Variants in RAPGEF2 observed in about 807,000 individuals in gnomAD.
RAPGEF2 encodes PDZ domain containing guanine nucleotide exchange factor (GEF) 1.
Under a neutral mutation model 186.7 loss-of-function variants are expected in RAPGEF2, and 54 were observed. The ratio of observed to expected loss-of-function variants is 0.29; its 90% confidence interval spans 0.23 to 0.36. The LOEUF is 0.36. Ranked by LOEUF, RAPGEF2 falls within the 10% of genes least tolerant of loss-of-function variation. The pLI is 1.00. For synonymous variants in RAPGEF2, 712 were observed against 705.9 expected, an observed-to-expected ratio of 1.01 and a Z score of -0.14; for missense variants, 1,532 against 2,045.0, an observed-to-expected ratio of 0.75 and a Z score of 4.84.
At chr4:159,213,753 A>G (rs865912435) in intron 4 of RAPGEF2, among the ~76,000 whole-genome samples, 3 of 152,092 alleles carry the variant, frequency 2.0e-5, no homozygotes, top group Admixed American at 2.0e-4. Context: ...GAACATGAGT[A>G]TTGTTCCTTG....
chr4:159,315,265 CT>C (rs942896562), intron 9 of RAPGEF2, among the ~76,000 whole-genome samples: 2 of 150,776 alleles, frequency 1.3e-5, no homozygotes, highest in African/African-American at 2.4e-5. Flanking sequence ...ATGGTTGAGA[CT>C]TTTTTTCTGT....
intron 1 of RAPGEF2, among the ~76,000 whole-genome samples, chr4:159,138,835 AG>A (rs1419329792): frequency 6.6e-6 from 1 of 152,218 alleles, no homozygotes; most frequent in Non-Finnish European, 1.5e-5. Flanking sequence ...TTACAGAGCA[AG>A]GATACCAATC....
chr4:159,167,573 C>T (rs764236739), intron 1 of RAPGEF2, among the ~76,000 whole-genome samples: 3 of 152,134 alleles, frequency 2.0e-5, no homozygotes, highest in Non-Finnish European at 4.4e-5. Context: ...AGTTTCATAC[C>T]CTTTCCTTTT....
At chr4:159,229,002 TG>T (rs1752335924) in intron 4 of RAPGEF2, among the ~76,000 whole-genome samples, 1 of 152,224 alleles carries the variant, frequency 6.6e-6, no homozygotes, top group African/African-American at 2.4e-5. Flanking sequence ...GTTATGTGAT[TG>T]TTTTTTTGTA....
intron 8 of RAPGEF2, among the ~76,000 whole-genome samples, chr4:159,313,365 A>G (rs1379160354): frequency 6.6e-6 from 1 of 152,146 alleles, no homozygotes; most frequent in Non-Finnish European, 1.5e-5. Flanking sequence ...TGGAAAAATT[A>G]TTTCTCTTCA....
At chr4:159,356,334 TTG>T (rs61014850) in intron 29 of RAPGEF2, among the ~76,000 whole-genome samples, 176 bp downstream of exon 29, 1 of 151,600 alleles carries the variant, frequency 6.6e-6, no homozygotes, top group East Asian at 1.9e-4. Flanking sequence ...CTGCTTTCTT[TTG>T]TGTGTGTGTG....
At chr4:159,142,313 G>A (rs13116264) in intron 1 of RAPGEF2, among the ~76,000 whole-genome samples, 28,332 of 151,886 alleles carry the variant, frequency 0.19, 2,663 homozygotes, top group Admixed American at 0.24. Flanking sequence ...GTTAAACCTC[G>A]GTTGATTTCT....
chr4:159,345,643 A>G (rs1730184039), intron 24 of RAPGEF2, among the ~76,000 whole-genome samples: 1 of 152,176 alleles, frequency 6.6e-6, no homozygotes, highest in South Asian at 2.1e-4. Flanking sequence ...TCCCATTTAC[A>G]TGTCTTACGT....
At chr4:159,257,187 G>A (rs983370548) in intron 7 of RAPGEF2, among the ~76,000 whole-genome samples, 1 of 152,100 alleles carries the variant, frequency 6.6e-6, no homozygotes, top group South Asian at 2.1e-4. Context: ...ATTGTTAATA[G>A]TTTTGGGTTT....
chr4:159,358,196 G>A lies in RAPGEF2; in HGVS notation c.*57G>A. 14 of 1,547,164 alleles carry A rather than the reference G, an allele frequency of 9.0e-6. No homozygotes were observed. Among genetic ancestry groups the A allele is most frequent in the South Asian group, 1.2e-5 (1 of 84,356 alleles). On this transcript the variant is annotated 3_prime_UTR_variant, in exon 30 of 30. Transcript: ENST00000691494. ...ACCTGAAAGGAGAGCACAAGAAGAC[G>A]TCCTGAGCATTGGAGCCTTGGAACT...
intron 1 of RAPGEF2, among the ~76,000 whole-genome samples, chr4:159,166,390 G>A (rs1300798640): frequency 6.6e-6 from 1 of 152,224 alleles, no homozygotes; most frequent in African/African-American, 2.4e-5. Flanking sequence ...CAATGAGACT[G>A]GGTGTGGCAG....
chr4:159,281,032 C>T (rs549230098), intron 7 of RAPGEF2, among the ~76,000 whole-genome samples: 168 of 150,582 alleles, frequency 1.1e-3, no homozygotes, highest in African/African-American at 3.7e-3. Context: ...TGTCTCCAGG[C>T]TAGAGTGCGG....
intron 1 of RAPGEF2, among the ~76,000 whole-genome samples, chr4:159,116,269 A>G (rs1739043923): frequency 6.6e-6 from 1 of 152,218 alleles, no homozygotes. Flanking sequence ...AAAAGTGGGC[A>G]AAGGACATGA....
intron 3 of RAPGEF2, among the ~76,000 whole-genome samples, chr4:159,199,304 TA>T (rs1489357972): frequency 6.6e-6 from 1 of 152,172 alleles, no homozygotes; most frequent in Admixed American, 6.5e-5. Flanking sequence ...ATTACTATTT[TA>T]AAATGAAAAT....
At chr4:159,194,421 A>G (rs1748415269) in intron 3 of RAPGEF2, among the ~76,000 whole-genome samples, 1 of 152,174 alleles carries the variant, frequency 6.6e-6, no homozygotes. Context: ...CAGACACAAT[A>G]TTTGACACAG....
intron 1 of RAPGEF2, among the ~76,000 whole-genome samples, chr4:159,182,684 CT>C (rs1747145588): frequency 6.6e-6 from 1 of 152,212 alleles, no homozygotes; most frequent in South Asian, 2.1e-4. Context: ...GCGTGAGCCA[CT>C]GTGCCCAGCC....
At chr4:159,107,550 T>G (rs982592927) in intron 1 of RAPGEF2, among the ~76,000 whole-genome samples, 2 of 152,206 alleles carry the variant, frequency 1.3e-5, no homozygotes, top group African/African-American at 2.4e-5. Context: ...TTGTAAAAGT[T>G]ACTGTTAAAA....
chr4:159,177,568 A>C (rs1444270546), intron 1 of RAPGEF2, among the ~76,000 whole-genome samples: 1 of 152,214 alleles, frequency 6.6e-6, no homozygotes, highest in Non-Finnish European at 1.5e-5. Context: ...CAAAGCTTGT[A>C]TTCCTTTTAT....
rs546796904 is a variant in RAPGEF2, at chr4:159,220,185, T to C, written c.281+9602T>C. 1.8e-4 allele frequency among the ~76,000 whole-genome samples: 27 copies of C among 152,274 alleles called. No homozygotes were observed. In the South Asian group the frequency reaches 5.2e-3, roughly 29 times the overall value. On this transcript the variant is annotated intron_variant, in intron 4 of 29. Coordinates refer to ENST00000691494, the MANE Select transcript of RAPGEF2 (RefSeq NM_001394067.2). ...AATTTCATCATATCAAAAAATTTCA[T>C]TGTGAAGTAGAGCAGGGTGGTGGCT...
Sources: allele counts gnomAD v4.1 joint callset (sites outside exome capture counted in the v4.1 genomes callset), GRCh38; gene constraint gnomAD v4.1.1; transcripts MANE v1.5; gene names NCBI Gene and HGNC (gene_info 2026-07-23, HGNC 2026-07-21).